RNF10: variants seen among roughly 807,000 people sequenced by gnomAD.
RNF10 encodes the protein E3 ubiquitin-protein ligase RNF10.
Under a neutral mutation model 91.4 loss-of-function variants are expected in RNF10, and 38 were observed. The ratio of observed to expected loss-of-function variants is 0.42; its 90% CI spans 0.32 to 0.54. The LOEUF is 0.54. RNF10 is among the 20% of genes least tolerant of loss of function. RNF10 has a pLI of 0.16. For synonymous variants in RNF10, 364 were observed against 366.3 expected (o/e 0.99, Z 0.07); for missense variants, 945 against 1,012.0 (o/e 0.93, Z 0.90).
chr12:120,566,984 A>C lies in RNF10; in HGVS notation c.2041+4A>C, dbSNP rs757309663. ...AGAAGTCCAGGTTCCCATGCAGGTAAACAGGTGAAATTTAATGAATTCACC... is the reference window on the plus strand; with the variant it reads ...AGAAGTCCAGGTTCCCATGCAGGTACACAGGTGAAATTTAATGAATTCACC... On this transcript the variant is annotated splice_donor_region_variant and intron_variant, in intron 13 of 16. Transcript: ENST00000325954. The C allele has an allele frequency of 5.6e-6, 9 of 1,594,908 alleles. No homozygotes were observed. Among genetic ancestry groups the C allele is most frequent in the Non-Finnish European group, 6.8e-6 (8 of 1,175,230 alleles).
intron 2 of RNF10, among the ~76,000 whole-genome samples, chr12:120,550,563 CAG>C (rs1315358946): frequency 6.6e-6 from 1 of 150,972 alleles, no homozygotes; most frequent in Non-Finnish European, 1.5e-5. Flanking sequence ...CACAAGCAAA[CAG>C]AATGTGGAGA....
chr12:120,571,161 A>G, intron 13 of RNF10, 30 bp from the exon 14 acceptor site: 1 of 1,499,372 alleles, frequency 6.7e-7, no homozygotes, highest in South Asian at 1.1e-5. Flanking sequence ...GAACGTGACG[A>G]ATATAATCAG....
rs770088211 is a variant in RNF10 at position 120,534,944 on chromosome 12, G to A, written c.133G>A (p.Ala45Thr). ...QPPRSASAGP[A>T]GESKPKSDGK... ...GCCCCGCTCCGCCTCGGCGGGGCCA[G>A]CCGGCGAGTCTAAACCCAAGAGCGG... The change falls in exon 1 of 17, where the codon GCC (alanine) becomes ACC (threonine). Residue 45 changes from alanine to threonine, a missense_variant. By Grantham distance (58) the Ala-to-Thr change is moderately conservative (BLOSUM62 0). Transcript: ENST00000325954. 1 of 1,601,660 alleles carries A rather than the reference G, an allele frequency of 6.2e-7. No homozygotes were observed.
At chr12:120,546,972 C>T (rs73230305) in intron 2 of RNF10, among the ~76,000 whole-genome samples, 6,911 of 152,176 alleles carry the variant, frequency 0.045, 263 homozygotes, top group South Asian at 0.1. Flanking sequence ...TATCTATAGT[C>T]TCAAATTTTT....
chr12:120,534,636 C>T lies in RNF10; in HGVS notation c.-176C>T, dbSNP rs1413305755. 3 of 1,338,826 alleles carry T rather than the reference C, an allele frequency of 2.2e-6. No individual in the cohort carries two copies. The highest frequency in any genetic ancestry group is 1.9e-6 in the Non-Finnish European group (2 of 1,049,180). The allele number at this position is 1,338,826 out of a possible 1,614,324, so 82.9% of individuals were successfully genotyped here. ...CCGCTGCCGCCGGGCTTAACAGCCC[C>T]GTCCGCCGCTTCTCTTCCTAGTTTG... On this transcript the variant is annotated 5_prime_UTR_variant, in exon 1 of 17. Coordinates refer to ENST00000325954, the MANE Select transcript of RNF10 (RefSeq NM_014868.5).
intron 16 of RNF10, among the ~76,000 whole-genome samples, 192 bp downstream of exon 16, chr12:120,576,142 T>C (rs574520177): frequency 3.2e-4 from 48 of 152,308 alleles, no homozygotes; most frequent in Non-Finnish European, 5.3e-4. Flanking sequence ...CCCAGAGAAA[T>C]TGATGACGCC....
chr12:120,539,507 C>A, intron 1 of RNF10: 1 of 1,022,634 alleles, frequency 9.8e-7, no homozygotes, highest in Non-Finnish European at 1.3e-6. Context: ...GAATCAGCAG[C>A]AGAAACTTGC....
intron 1 of RNF10, among the ~76,000 whole-genome samples, chr12:120,545,088 T>C (rs989337878): frequency 1.3e-5 from 2 of 152,250 alleles, no homozygotes; most frequent in Admixed American, 1.3e-4. Flanking sequence ...TGTTAATGAG[T>C]TAGTGCTCTG....
intron 16 of RNF10, 40 bp from the exon 17 acceptor site, chr12:120,576,549 TG>T: frequency 6.2e-7 from 1 of 1,605,278 alleles, no homozygotes; most frequent in Non-Finnish European, 8.5e-7. Context: ...GGACAAGGGA[TG>T]GCATTTTAAG....
chr12:120,561,626 G>C (rs971471615), intron 7 of RNF10, among the ~76,000 whole-genome samples: 2 of 152,190 alleles, frequency 1.3e-5, no homozygotes, highest in Admixed American at 1.3e-4. Context: ...AGCTTCTAGT[G>C]TGGTAGATAG....
In RNF10 at chr12:120,575,354, A is replaced by G. The variant is rs377565232; in HGVS notation, c.2143-277A>G. The G allele has an allele frequency of 2.6e-4, 99 of 379,770 alleles. No individual in the cohort carries two copies. In the East Asian group the frequency reaches 3.8e-3, roughly 14 times the overall value. The allele number at this position is 379,770 out of a possible 1,614,324, so 23.5% of individuals were successfully genotyped here. ...TCGGAATTCCCAATTTGAGGGTCTC[A>G]GTAAGAATCTCTTGTGCCTTCTGTG... On this transcript the variant is annotated intron_variant, in intron 14 of 16. Transcript: ENST00000325954.
intron 7 of RNF10, 80 bp downstream of exon 7, chr12:120,560,966 T>G: frequency 7.0e-7 from 1 of 1,436,152 alleles, no homozygotes; most frequent in Non-Finnish European, 9.6e-7. Flanking sequence ...CTAAACCTTT[T>G]CACTCTGTCG....
At position 120,563,898 on chromosome 12, in the gene RNF10, G is replaced by C; in HGVS notation, c.1620G>C (p.Lys540Asn). 3 of 1,614,192 alleles carry C rather than the reference G, an allele frequency of 1.9e-6. No individual in the cohort carries two copies. Among genetic ancestry groups the C allele is most frequent in the Non-Finnish European group, 2.5e-6 (3 of 1,180,026 alleles). ...GCAGCCTGGAGAGGAGCCCCGAGAA[G>C]ATCTCAGCAACTGTGGTGGAGATTG... The part of the protein sequence containing the change: ...EYGSLERSPE[K>N]ISATVVEIAG... The change falls in exon 10 of 17, where the codon AAG (lysine) becomes AAC (asparagine). Residue 540 changes from lysine (K) to asparagine (N), a missense_variant. Transcript: ENST00000325954.
chr12:120,573,354 C>T (rs1702751720), intron 14 of RNF10, among the ~76,000 whole-genome samples: 2 of 151,922 alleles, frequency 1.3e-5, no homozygotes, highest in Admixed American at 1.3e-4. Context: ...CCCATATCCC[C>T]TTTTTTTTCC....
chr12:120,534,908 G>C lies in RNF10; in HGVS notation c.97G>C (p.Gly33Arg). 1 of 1,607,450 alleles carries C rather than the reference G, an allele frequency of 6.2e-7. No individual in the cohort carries two copies. The highest frequency in any genetic ancestry group is 1.7e-5 in the Admixed American group (1 of 59,936). Residue 33 changes from glycine to arginine, a missense_variant, in exon 1 of 17, where the codon GGG becomes CGG. Gly to Arg is a moderately radical substitution (Grantham distance 125, BLOSUM62 -2). Coordinates refer to ENST00000325954, the MANE Select transcript of RNF10 (RefSeq NM_014868.5). ...SSSASSGSSK[G>R]QQPPRSASAG... ...CTCCGCCTCTTCGGGCAGCAGCAAA[G>C]GGCAACAGCCGCCCCGCTCCGCCTC... is the stretch of plus-strand genomic sequence containing the variant.
Position 120,577,521 on chromosome 12 carries a change from A to C in RNF10, c.*855A>C, listed in dbSNP as rs555883420. 10 of 221,460 alleles carry C rather than the reference A, an allele frequency of 4.5e-5. No individual in the cohort carries two copies. The South Asian group carries it at 5.1e-4, about 11-fold the overall frequency. 13.7% of individuals were successfully genotyped at this position (221,460 alleles called of 1,614,324 possible). ...TTTGATGTGAATTCTTTTGCTGCTT[A>C]ATAAAGTGACCTCTAGGTGCATTAG... On this transcript the variant is annotated 3_prime_UTR_variant, in exon 17 of 17. Coordinates refer to ENST00000325954, the MANE Select transcript of RNF10 (RefSeq NM_014868.5).
Position 120,552,530 on chromosome 12 carries a change from C to T in RNF10, c.386C>T (p.Pro129Leu). Residue 129 changes from proline (P) to leucine (L), a missense_variant, in exon 3 of 17, where the codon CCT becomes CTT. Physicochemically the swap from Pro to Leu is moderately conservative, Grantham distance 98 (BLOSUM62 -3). Transcript: ENST00000325954. ...VAEAQRAEFS[P>L]AQFSGPKKIN... Reference sequence around the variant, plus strand: ...GAGGCTCAACGGGCAGAGTTTAGCCCTGCCCAGTTCTCTGGTCCTAAGAAG... The same window carrying T: ...GAGGCTCAACGGGCAGAGTTTAGCCTTGCCCAGTTCTCTGGTCCTAAGAAG... The T allele has an allele frequency of 1.2e-6, 2 of 1,614,194 alleles. No individual in the cohort carries two copies. Among genetic ancestry groups the T allele is most frequent in the Non-Finnish European group, 1.7e-6 (2 of 1,180,020 alleles).
Position 120,534,502 on chromosome 12 carries a change from G to C in RNF10, c.-310G>C. The stretch of plus-strand genomic sequence containing the variant: ...CGCGGCGGGAGAGCGTGTCCGGCCG[G>C]CCGGCCGGCGGGGCTCGCGCAACCT... On this transcript the variant is annotated 5_prime_UTR_variant, in exon 1 of 17. Coordinates refer to ENST00000325954, the MANE Select transcript of RNF10 (RefSeq NM_014868.5). 4.1e-6 allele frequency: 1 copy of C among 241,916 alleles called. No homozygotes were observed. The highest frequency in any genetic ancestry group is 7.6e-6 in the Non-Finnish European group (1 of 131,204). The allele number at this position is 241,916 out of a possible 1,614,324, so 15.0% of individuals were successfully genotyped here.
At chr12:120,539,952 C>T (rs1466200649) in intron 1 of RNF10, among the ~76,000 whole-genome samples, 1 of 151,950 alleles carries the variant, frequency 6.6e-6, no homozygotes, top group Non-Finnish European at 1.5e-5. Flanking sequence ...TCTTCTGCCT[C>T]AGCCTCCTGA....
Sources: gnomAD v4.1 joint callset for allele counts (sites outside exome capture counted in the v4.1 genomes callset) on GRCh38, gnomAD v4.1.1 for gene constraint, MANE v1.5 for transcripts, NCBI Gene and HGNC (gene_info 2026-07-23, HGNC 2026-07-21) for gene names.